The following CLTC variants were observed in gnomAD, a reference collection of about 807,000 sequenced individuals.
The protein encoded by CLTC is clathrin heavy chain 1.
CLTC carries 16 observed loss-of-function variants against 195.8 expected under a neutral mutation model. The observed-to-expected ratio is 0.08, with a 90% confidence interval of 0.06 to 0.12. The LOEUF (loss-of-function observed/expected upper bound fraction) is 0.12. Ranked by LOEUF, CLTC falls within the 10% of genes least tolerant of loss-of-function variation. CLTC has a pLI of 1.00. For synonymous variants in CLTC, 667 were observed against 689.4 expected, an observed-to-expected ratio of 0.97 and a Z score of 0.51; for missense variants, 796 against 2,027.0, an observed-to-expected ratio of 0.39 and a Z score of 11.66.
At chr17:59,662,388 A>C (rs1489261014) in intron 8 of CLTC, among the ~76,000 whole-genome samples, 2 of 152,188 alleles carry the variant, frequency 1.3e-5, no homozygotes, top group Non-Finnish European at 2.9e-5. Flanking sequence ...CTTATGTGGA[A>C]TAGTGACTGA....
At chr17:59,667,008 A>T in intron 13 of CLTC, 31 bp downstream of exon 13, 1 of 1,568,574 alleles carries the variant, frequency 6.4e-7, no homozygotes, top group Non-Finnish European at 8.7e-7. Flanking sequence ...TTTTAAAAAA[A>T]GTACTTAAGG....
chr17:59,634,092 AGGGACAGG>A (rs1167508500), intron 1 of CLTC, among the ~76,000 whole-genome samples: 2 of 151,976 alleles, frequency 1.3e-5, no homozygotes, highest in Admixed American at 1.3e-4. Flanking sequence ...TATTTTTTGT[AGGGACAGG>A]GTCTCGCCAT....
Position 59,683,086 on chromosome 17 carries a change from C to T in CLTC, c.3874-9C>T. On this transcript the variant is annotated splice_polypyrimidine_tract_variant and intron_variant, in intron 24 of 31. Transcript: ENST00000269122. This position sits in a 1 kb window ranked among gnomAD's most constrained non-coding sequence, Gnocchi z 6.1. The stretch of plus-strand genomic sequence containing the variant: ...TTCTTATCTTTAACTGCACATTTCT[C>T]TTGTTCAGGATCGTGGCTATTTTGA... The T allele has an allele frequency of 6.2e-7, 1 of 1,613,970 alleles. No individual in the cohort carries two copies. Among genetic ancestry groups the T allele is most frequent in the African/African-American group, 1.3e-5 (1 of 75,022 alleles).
At position 59,681,417 on chromosome 17, in the gene CLTC, A is replaced by T. The variant is rs1423655534; in HGVS notation, c.3188A>T (p.Glu1063Val). 1 of 1,613,988 alleles carries T rather than the reference A, an allele frequency of 6.2e-7. No homozygotes were observed. The highest frequency in any genetic ancestry group is 1.3e-5 in the African/African-American group (1 of 74,904). ...ATTGCCAATATCGCCATCAGCAATG[A>T]GCTGTTTGAAGAAGCATTTGCCATT... Reference protein sequence around the residue: ...PDIANIAISNELFEEAFAIFR... With the variant: ...PDIANIAISNVLFEEAFAIFR... The change falls in exon 20 of 32, where the codon GAG (glutamate) becomes GTG (valine). Residue 1063 changes from glutamate (E) to valine (V), a missense_variant. Physicochemically the swap from Glu to Val is moderately radical, Grantham distance 121. Around this residue, in one of 9 missense-constraint regions of CLTC, gnomAD observed 160 missense variants for 448.2 expected, o/e 0.36. Coordinates refer to ENST00000269122, the MANE Select transcript of CLTC (RefSeq NM_004859.4). The surrounding 1 kb of genome is among the most constrained non-coding windows in gnomAD (Gnocchi z 5.0).
intron 30 of CLTC, among the ~76,000 whole-genome samples, chr17:59,688,285 C>T (rs940863747): frequency 4.6e-5 from 7 of 152,088 alleles, no homozygotes; most frequent in African/African-American, 1.7e-4. Flanking sequence ...AGTACTTTTG[C>T]CTTTTTTTCA....
chr17:59,693,651 G>T (rs2033359785), intron 31 of CLTC, 77 bp from the exon 32 acceptor site: 2 of 1,476,446 alleles, frequency 1.4e-6, no homozygotes, highest in Non-Finnish European at 9.0e-7. Flanking sequence ...GAGGAGATTG[G>T]AGTGTTCTAA....
chr17:59,655,315 C>A (rs2032438459), intron 5 of CLTC, among the ~76,000 whole-genome samples: 1 of 152,192 alleles, frequency 6.6e-6, no homozygotes, highest in East Asian at 1.9e-4. Flanking sequence ...AGAACACACA[C>A]AATATTTATC....
intron 6 of CLTC, among the ~76,000 whole-genome samples, chr17:59,656,880 G>T (rs1428475621): frequency 1.3e-5 from 2 of 151,622 alleles, no homozygotes; most frequent in Non-Finnish European, 2.9e-5. Context: ...CACCATTTTG[G>T]CCAGGCTGGT....
chr17:59,644,777 T>C (rs2032145816), intron 2 of CLTC, among the ~76,000 whole-genome samples: 2 of 152,128 alleles, frequency 1.3e-5, no homozygotes, highest in African/African-American at 4.8e-5. Flanking sequence ...GGTCTCGAAC[T>C]CCTAACCTCA....
intron 1 of CLTC, among the ~76,000 whole-genome samples, chr17:59,624,660 G>A (rs1319632358): frequency 6.6e-6 from 1 of 151,616 alleles, no homozygotes; most frequent in Non-Finnish European, 1.5e-5. Context: ...GTAGAGATGG[G>A]GTTTTACCAT....
chr17:59,674,383 T>C (rs2032920236), intron 15 of CLTC, among the ~76,000 whole-genome samples: 1 of 152,162 alleles, frequency 6.6e-6, no homozygotes, highest in African/African-American at 2.4e-5. Flanking sequence ...TCTTGCATAG[T>C]CATCTTTGAC....
chr17:59,647,971 A>C (rs575952181), intron 3 of CLTC, among the ~76,000 whole-genome samples: 1 of 152,284 alleles, frequency 6.6e-6, no homozygotes, highest in Non-Finnish European at 1.5e-5. Context: ...TTTATTATGG[A>C]GTATTTACTG....
chr17:59,683,734 G>C lies in CLTC; in HGVS notation c.4301G>C (p.Arg1434Pro). The change falls in exon 27 of 32, where the codon CGT (arginine) becomes CCT (proline). Residue 1434 changes from arginine to proline, a missense_variant. This residue lies in a region of CLTC where 102 missense variants were observed against 317.6 expected (regional missense o/e 0.32). Coordinates refer to ENST00000269122, the MANE Select transcript of CLTC (RefSeq NM_004859.4). The surrounding 1 kb of genome is among the most constrained non-coding windows in gnomAD (Gnocchi z 6.1). Reference sequence around the variant, plus strand: ...CTGTCTCCACGGTTGGATCACACTCGTGCAGTCAATTATTTCAGCAAGGTA... The same window carrying C: ...CTGTCTCCACGGTTGGATCACACTCCTGCAGTCAATTATTTCAGCAAGGTA... ...MVLSPRLDHT[R>P]AVNYFSKVKQ... The C allele has an allele frequency of 6.2e-7, 1 of 1,614,134 alleles. No individual in the cohort carries two copies.
chr17:59,641,854 T>A (rs986482348), intron 1 of CLTC, among the ~76,000 whole-genome samples: 1 of 151,962 alleles, frequency 6.6e-6, no homozygotes, highest in African/African-American at 2.4e-5. Context: ...ATTTACCTTA[T>A]TTTTTAAAGT....
At chr17:59,620,260 G>A (rs1482243891) in intron 1 of CLTC, 87 bp downstream of exon 1, 1 of 1,420,524 alleles carries the variant, frequency 7.0e-7, no homozygotes, top group Non-Finnish European at 9.9e-7. Context: ...AGCAGTATCG[G>A]AGCTGGAGGG....
chr17:59,655,773 TA>T, intron 5 of CLTC, 80 bp from the exon 6 acceptor site: 1 of 1,181,510 alleles, frequency 8.5e-7, no homozygotes, highest in Non-Finnish European at 1.1e-6. Flanking sequence ...TTACCATCTC[TA>T]AAATGGAATT....
In CLTC at chr17:59,644,534, T is replaced by G. The variant is rs1423572662; in HGVS notation, c.250+51T>G. On this transcript the variant is annotated intron_variant, in intron 2 of 31. Coordinates refer to ENST00000269122, the MANE Select transcript of CLTC (RefSeq NM_004859.4). Reference sequence around the variant, plus strand: ...AAAACTCTTCCTATGTTTTTGTTTTTTTTTGTTTTTTTTTTGTTTGTTTGT... The same window carrying G: ...AAAACTCTTCCTATGTTTTTGTTTTGTTTTGTTTTTTTTTTGTTTGTTTGT... 3.6e-5 allele frequency: 49 copies of G among 1,352,370 alleles called. No homozygotes were observed. In the African/African-American group the frequency reaches 3.6e-4, roughly 10 times the overall value. 83.8% of individuals were successfully genotyped at this position (1,352,370 alleles called of 1,614,324 possible).
At chr17:59,661,153 A>G (rs1234418460) in intron 7 of CLTC, among the ~76,000 whole-genome samples, 1 of 152,070 alleles carries the variant, frequency 6.6e-6, no homozygotes, top group Non-Finnish European at 1.5e-5. Context: ...TTGTAATTTA[A>G]GTTGATGTAT....
intron 2 of CLTC, among the ~76,000 whole-genome samples, chr17:59,646,603 T>C (rs984807101): frequency 2.6e-5 from 4 of 152,218 alleles, no homozygotes; most frequent in Non-Finnish European, 5.9e-5. Flanking sequence ...TCTATTAATT[T>C]ATACCAAATC....
Sources: gnomAD v4.1 joint callset for allele counts (sites outside exome capture counted in the v4.1 genomes callset) on GRCh38, gnomAD v4.1.1 for gene constraint, gnomAD v4.1.1 regional missense constraint, Gnocchi (gnomAD v3.1) non-coding constraint, MANE v1.5 for transcripts, NCBI Gene and HGNC (gene_info 2026-07-23, HGNC 2026-07-21) for gene names.